The following EPC2 variants were observed in gnomAD, a reference collection of about 807,000 sequenced individuals.
The protein encoded by EPC2 is enhancer of polycomb 2, also known as enhancer of polycomb homolog 2.
In EPC2, 14 loss-of-function variants were observed where a neutral mutation model predicts 92.1. That is an observed-to-expected ratio of 0.15 (90% confidence interval 0.10 to 0.24). The LOEUF (loss-of-function observed/expected upper bound fraction) is 0.24, where lower values mean the gene tolerates loss of function less well. EPC2 is among the 10% of genes least tolerant of loss of function. The pLI is 1.00. For missense variants in EPC2, 755 were observed against 971.5 expected (o/e 0.78, Z 2.96); for synonymous variants, 340 against 334.7 (o/e 1.02, Z -0.17).
intron 1 of EPC2, among the ~76,000 whole-genome samples, chr2:148,650,690 T>C (rs1680664706): frequency 6.6e-6 from 1 of 152,178 alleles, no homozygotes; most frequent in Admixed American, 6.5e-5. Flanking sequence ...TAATCCTGAT[T>C]GATACCTTTT....
intron 1 of EPC2, among the ~76,000 whole-genome samples, chr2:148,650,835 T>C (rs1024940436): frequency 6.6e-6 from 1 of 152,198 alleles, no homozygotes; most frequent in Non-Finnish European, 1.5e-5. Flanking sequence ...CCAGGTATTA[T>C]CTAAATGCCA....
chr2:148,693,826 C>T (rs1213993478), intron 2 of EPC2, among the ~76,000 whole-genome samples: 1 of 152,142 alleles, frequency 6.6e-6, no homozygotes, highest in Admixed American at 6.6e-5. Context: ...TCCAGGATTA[C>T]CTTTAGGAGC....
chr2:148,777,850 TAATG>T (rs1294705137), intron 10 of EPC2, among the ~76,000 whole-genome samples: 2 of 152,138 alleles, frequency 1.3e-5, no homozygotes, highest in Non-Finnish European at 2.9e-5. Flanking sequence ...ACAAGATAGA[TAATG>T]AATCAGATTT....
intron 2 of EPC2, among the ~76,000 whole-genome samples, chr2:148,736,879 C>A (rs961786435): frequency 4.0e-5 from 6 of 151,500 alleles, no homozygotes; most frequent in African/African-American, 1.2e-4. Context: ...GCAGGCAGAT[C>A]GCTTCAGCCT....
intron 2 of EPC2, chr2:148,692,678 T>C (rs1158070077): frequency 2.6e-5 from 4 of 152,206 alleles, no homozygotes; most frequent in Non-Finnish European, 4.4e-5. Context: ...TTTAAGGATC[T>C]CTCTTAAGCC....
chr2:148,773,150 T>C (rs1683560093), intron 10 of EPC2, among the ~76,000 whole-genome samples: 1 of 152,174 alleles, frequency 6.6e-6, no homozygotes, highest in African/African-American at 2.4e-5. Context: ...ATATCATCAA[T>C]ACAACATATG....
At chr2:148,764,838 CAAT>C in intron 6 of EPC2, 114 bp from the exon 7 acceptor site, 1 of 772,888 alleles carries the variant, frequency 1.3e-6, no homozygotes, top group Non-Finnish European at 1.8e-6. Context: ...GTATTAAAAA[CAAT>C]AAAATCACCT....
intron 2 of EPC2, among the ~76,000 whole-genome samples, chr2:148,727,225 A>G (rs1406189259): frequency 1.3e-5 from 2 of 152,146 alleles, no homozygotes; most frequent in African/African-American, 2.4e-5. Flanking sequence ...ATCCTTGTCA[A>G]TCATTTGACC....
rs1362019966 is a variant in EPC2, at chr2:148,645,155, G to A, written c.138G>A (p.Glu46=). 2 of 1,609,314 alleles carry A rather than the reference G, an allele frequency of 1.2e-6. No individual in the cohort carries two copies. The highest frequency in any genetic ancestry group is 1.7e-6 in the Non-Finnish European group (2 of 1,177,920). The change falls in exon 1 of 14, where the codon GAG becomes GAA. Residue 46 remains glutamate, a synonymous_variant. Coordinates refer to ENST00000258484, the MANE Select transcript of EPC2 (RefSeq NM_015630.4). ...TGCCCCAGATGCCCACCGGGATGGA[G>A]AAGGAGGAGGAATCGGTAGGGACTC... ...RAVPQMPTGM[E]KEEESEHHLQ... is the part of the protein sequence containing the mutation.
At chr2:148,734,541 A>G (rs1682712912) in intron 2 of EPC2, among the ~76,000 whole-genome samples, 1 of 152,156 alleles carries the variant, frequency 6.6e-6, no homozygotes, top group South Asian at 2.1e-4. Context: ...ATTAGAGGAT[A>G]GTCTTGATCT....
rs530006425 is a variant in EPC2 at position 148,718,212 on chromosome 2, C to G, written c.314-25410C>G. On this transcript the variant is annotated intron_variant, in intron 2 of 13. Transcript: ENST00000258484. Reference sequence around the variant, plus strand: ...CTTTATCCAGCTTGCCATTCTGTGTCTTTTAATTGGGGCAGTTAGCCCATT... The same window carrying G: ...CTTTATCCAGCTTGCCATTCTGTGTGTTTTAATTGGGGCAGTTAGCCCATT... 2.0e-5 allele frequency among the ~76,000 whole-genome samples: 3 copies of G among 152,254 alleles called. No homozygotes were observed. The East Asian group carries it at 5.8e-4, about 29-fold the overall frequency.
intron 3 of EPC2, among the ~76,000 whole-genome samples, chr2:148,750,232 C>T (rs1683061332): frequency 6.6e-6 from 1 of 152,058 alleles, no homozygotes; most frequent in Non-Finnish European, 1.5e-5. Context: ...ATAAATCCTT[C>T]TAAAATAGTC....
chr2:148,762,833 G>A (rs749416664), intron 6 of EPC2, 31 bp downstream of exon 6: 2 of 1,577,764 alleles, frequency 1.3e-6, no homozygotes, highest in Admixed American at 1.9e-5. Flanking sequence ...AGCATGTATG[G>A]ATGGTAATGT....
Position 148,761,891 on chromosome 2 carries a change from G to A in EPC2, c.776G>A (p.Arg259Gln), listed in dbSNP as rs1260511987. Residue 259 changes from arginine to glutamine, a missense_variant, in exon 5 of 14, where the codon CGA becomes CAA. Physicochemically the swap from Arg to Gln is conservative, Grantham distance 43. Coordinates refer to ENST00000258484, the MANE Select transcript of EPC2 (RefSeq NM_015630.4). Reference protein sequence around the residue: ...EMIKRREKTKRELLHLTLEVV... With the variant: ...EMIKRREKTKQELLHLTLEVV... ...ATTAAGAGAAGAGAGAAAACAAAACGAGAATTATTGCACTTAACCTTAGAA... is the reference window on the plus strand; with the variant it reads ...ATTAAGAGAAGAGAGAAAACAAAACAAGAATTATTGCACTTAACCTTAGAA... The A allele has an allele frequency of 3.1e-6, 5 of 1,598,638 alleles. No individual in the cohort carries two copies. Among genetic ancestry groups the A allele is most frequent in the East Asian group, 4.6e-5 (2 of 43,944 alleles).
intron 2 of EPC2, among the ~76,000 whole-genome samples, chr2:148,723,533 C>A (rs1682425455): frequency 6.6e-6 from 1 of 152,212 alleles, no homozygotes; most frequent in South Asian, 2.1e-4. Context: ...GTATTCACCT[C>A]TGTCTCCAGT....
chr2:148,763,409 G>A (rs995714529), intron 6 of EPC2, among the ~76,000 whole-genome samples: 6 of 152,118 alleles, frequency 3.9e-5, no homozygotes, highest in African/African-American at 1.4e-4. Context: ...ATTAATTAAA[G>A]TATTTAATTG....
chr2:148,781,239 G>A (rs768640482), intron 10 of EPC2, among the ~76,000 whole-genome samples: 1 of 152,130 alleles, frequency 6.6e-6, no homozygotes, highest in Non-Finnish European at 1.5e-5. Flanking sequence ...TAGTCTTGCA[G>A]ATGGTCCTGC....
At chr2:148,657,589 A>G (rs1202559079) in intron 1 of EPC2, among the ~76,000 whole-genome samples, 3 of 151,906 alleles carry the variant, frequency 2.0e-5, no homozygotes, top group African/African-American at 7.3e-5. Context: ...CCAACTTTGA[A>G]AACCAGCAGT....
chr2:148,683,595 T>C (rs1681455486), intron 1 of EPC2, among the ~76,000 whole-genome samples: 1 of 152,194 alleles, frequency 6.6e-6, no homozygotes, highest in Non-Finnish European at 1.5e-5. Flanking sequence ...CTTTGCATCC[T>C]CATAGCTTAG....
Sources: allele counts gnomAD v4.1 joint callset (sites outside exome capture counted in the v4.1 genomes callset), GRCh38; gene constraint gnomAD v4.1.1; transcripts MANE v1.5; gene names NCBI Gene and HGNC (gene_info 2026-07-23, HGNC 2026-07-21).